Variants in ANKS1B observed in about 807,000 individuals in gnomAD.
ANKS1B encodes the protein ankyrin repeat and sterile alpha motif domain-containing protein 1B.
A neutral mutation model predicts 148.3 loss-of-function variants in ANKS1B; 36 were observed. The ratio of observed to expected loss-of-function variants is 0.24; its 90% CI spans 0.19 to 0.32. The LOEUF (loss-of-function observed/expected upper bound fraction) is 0.32, where lower values mean the gene tolerates loss of function less well. Ranked by LOEUF, ANKS1B falls within the 10% of genes least tolerant of loss-of-function variation. ANKS1B has a pLI of 1.00. For synonymous variants in ANKS1B, 542 were observed against 560.8 expected, an observed-to-expected ratio of 0.97 and a Z score of 0.47; for missense variants, 1,157 against 1,542.6, an observed-to-expected ratio of 0.75 and a Z score of 4.19.
intron 1 of ANKS1B, among the ~76,000 whole-genome samples, chr12:99,849,504 T>G (rs955733931): frequency 3.3e-5 from 5 of 152,096 alleles, no homozygotes; most frequent in African/African-American, 1.2e-4. Flanking sequence ...CCTTCAAATT[T>G]GCATACTCTG....
chr12:99,080,671 G>T (rs117920492), intron 16 of ANKS1B, among the ~76,000 whole-genome samples: 1 of 152,106 alleles, frequency 6.6e-6, no homozygotes, highest in East Asian at 1.9e-4. Flanking sequence ...GGACAGAAGC[G>T]TTTATGCCCT....
rs2099953083 is a variant in ANKS1B at position 99,032,807 on chromosome 12, G to A, written c.2778+20350C>T. 5.3e-5 allele frequency among the ~76,000 whole-genome samples: 8 copies of A among 152,130 alleles called. No homozygotes were observed. The South Asian group carries it at 1.5e-3, about 28-fold the overall frequency. ...TTTATGGCAATTTAAGTTTTGTGTT[G>A]CATCAGAATTTAAGGTTGTTTCAGG... On this transcript the variant is annotated intron_variant, in intron 17 of 26. Coordinates refer to ENST00000683438, the MANE Select transcript of ANKS1B (RefSeq NM_001352186.2).
intron 17 of ANKS1B, among the ~76,000 whole-genome samples, chr12:98,873,017 G>GTAAGAC (rs2099676040): frequency 6.6e-6 from 1 of 152,178 alleles, no homozygotes; most frequent in South Asian, 2.1e-4. Flanking sequence ...GATCCATCTT[G>GTAAGAC]TAAGACTATA....
At chr12:99,708,345 C>T (rs1199557994) in intron 8 of ANKS1B, among the ~76,000 whole-genome samples, 2 of 152,126 alleles carry the variant, frequency 1.3e-5, no homozygotes, top group Non-Finnish European at 2.9e-5. Context: ...TCACATTATC[C>T]TCTACAGGTA....
chr12:99,229,261 T>C (rs1492252), intron 14 of ANKS1B, among the ~76,000 whole-genome samples: 31,367 of 151,808 alleles, frequency 0.21, 3,457 homozygotes, highest in Middle Eastern at 0.3. Flanking sequence ...ATAGATACAA[T>C]GTCATTTTAA....
At chr12:99,645,699 T>C (rs1002950412) in intron 9 of ANKS1B, among the ~76,000 whole-genome samples, 3 of 152,176 alleles carry the variant, frequency 2.0e-5, no homozygotes, top group African/African-American at 7.2e-5. Flanking sequence ...GTTCAGGTAG[T>C]TTTTTATTTA....
chr12:99,515,292 C>A (rs765374283), intron 9 of ANKS1B, among the ~76,000 whole-genome samples: 38 of 152,026 alleles, frequency 2.5e-4, no homozygotes, highest in Non-Finnish European at 4.7e-4. Context: ...TGTTTTGAAC[C>A]AATAACCATC....
At chr12:99,897,673 A>C (rs1467708926) in intron 1 of ANKS1B, among the ~76,000 whole-genome samples, 1 of 151,188 alleles carries the variant, frequency 6.6e-6, no homozygotes, top group East Asian at 1.9e-4. Context: ...TTAACAAACA[A>C]GTATGCTATT....
chr12:99,352,424 T>C (rs1354980479), intron 12 of ANKS1B, among the ~76,000 whole-genome samples: 1 of 152,038 alleles, frequency 6.6e-6, no homozygotes, highest in South Asian at 2.1e-4. Flanking sequence ...GAGTCTGCTA[T>C]GAGAACAGCT....
intron 22 of ANKS1B, among the ~76,000 whole-genome samples, chr12:98,791,996 A>G (rs1363579692): frequency 6.6e-6 from 1 of 152,210 alleles, no homozygotes. Context: ...AAAAAAGAGA[A>G]AAGTCTTAAT....
intron 19 of ANKS1B, among the ~76,000 whole-genome samples, chr12:98,808,622 C>T (rs982040780): frequency 1.3e-5 from 2 of 152,072 alleles, no homozygotes; most frequent in African/African-American, 4.8e-5. Context: ...ATAATTCTGG[C>T]TCTCCCCCAC....
chr12:99,715,324 T>C (rs558243993), intron 8 of ANKS1B, among the ~76,000 whole-genome samples: 25 of 152,192 alleles, frequency 1.6e-4, no homozygotes, highest in Non-Finnish European at 3.2e-4. Flanking sequence ...ACTGATGACA[T>C]TGTCTTGTGA....
intron 9 of ANKS1B, among the ~76,000 whole-genome samples, chr12:99,518,136 G>C (rs1212616118): frequency 2.0e-5 from 3 of 152,130 alleles, no homozygotes; most frequent in Admixed American, 6.5e-5. Flanking sequence ...TTTTGTTGAG[G>C]ATTTTTGCAT....
chr12:99,399,673 C>G lies in ANKS1B; in HGVS notation c.1714G>C (p.Val572Leu). 1 of 1,613,412 alleles carries G rather than the reference C, an allele frequency of 6.2e-7. No homozygotes were observed. The highest frequency in any genetic ancestry group is 8.5e-7 in the Non-Finnish European group (1 of 1,179,478). The change falls in exon 12 of 27, where the codon GTG becomes CTG. Residue 572 changes from valine to leucine, a missense_variant. Around this residue, in one of 6 missense-constraint regions of ANKS1B, gnomAD observed 661 missense variants for 642.1 expected, o/e 1.03. Transcript: ENST00000683438. ...SPPASPPTSSVGTTEVKNEGT... is the reference protein window; with the variant it reads ...SPPASPPTSSLGTTEVKNEGT... ...TCATTCTTGACTTCTGTGGTTCCCA[C>G]AGAAGAGGTGGGTGGACTAGCAGGA...
intron 11 of ANKS1B, among the ~76,000 whole-genome samples, chr12:99,410,131 T>C (rs2094643950): frequency 6.6e-6 from 1 of 152,224 alleles, no homozygotes; most frequent in South Asian, 2.1e-4. Context: ...TTATCGTTTT[T>C]TAGAAAAGGA....
intron 11 of ANKS1B, among the ~76,000 whole-genome samples, chr12:99,401,925 C>A (rs536038930): frequency 6.8e-6 from 1 of 146,782 alleles, no homozygotes; most frequent in East Asian, 1.9e-4. Context: ...CAAAACTGCA[C>A]CCATTGCTCC....
At chr12:99,928,294 C>A (rs556564295) in intron 1 of ANKS1B, among the ~76,000 whole-genome samples, 2 of 136,530 alleles carry the variant, frequency 1.5e-5, no homozygotes, top group Admixed American at 7.3e-5. Context: ...TTTTTTGAGA[C>A]GGAGTCTCGC....
chr12:98,924,859 T>C (rs1024827079), intron 17 of ANKS1B, among the ~76,000 whole-genome samples: 3 of 152,224 alleles, frequency 2.0e-5, no homozygotes, highest in African/African-American at 7.2e-5. Flanking sequence ...TATTTTGAAA[T>C]AGATTATCAA....
chr12:99,568,729 T>C (rs1297329535), intron 9 of ANKS1B, among the ~76,000 whole-genome samples: 2 of 152,196 alleles, frequency 1.3e-5, no homozygotes, highest in Non-Finnish European at 2.9e-5. Flanking sequence ...AAGGAGTTGC[T>C]TCAAAGCATT....
Sources: allele counts gnomAD v4.1 joint callset (sites outside exome capture counted in the v4.1 genomes callset), GRCh38; gene constraint gnomAD v4.1.1; regional missense constraint gnomAD v4.1.1; transcripts MANE v1.5; gene names NCBI Gene and HGNC (gene_info 2026-07-23, HGNC 2026-07-21).